Variants in IQSEC1 observed in about 807,000 individuals in gnomAD.
IQSEC1 encodes the protein IQ motif and SEC7 domain-containing protein 1.
IQSEC1 carries 31 observed loss-of-function variants against 91.0 expected under a neutral mutation model. That is an observed-to-expected ratio of 0.34 (90% CI 0.26 to 0.46). The LOEUF (loss-of-function observed/expected upper bound fraction) is 0.46, where lower values mean the gene tolerates loss of function less well. IQSEC1 is among the 20% of genes least tolerant of loss of function. IQSEC1 has a pLI of 1.00. For synonymous variants in IQSEC1, 699 were observed against 662.6 expected (o/e 1.05, Z -0.84); for missense variants, 1,388 against 1,575.6 (o/e 0.88, Z 2.02).
intron 1 of IQSEC1, among the ~76,000 whole-genome samples, chr3:13,241,089 A>G (rs1278394140): frequency 6.6e-6 from 1 of 152,108 alleles, no homozygotes; most frequent in Non-Finnish European, 1.5e-5. Flanking sequence ...GCACAGTCCA[A>G]TTTCACCTTG....
At chr3:13,128,053 G>A (rs984251061) in intron 2 of IQSEC1, among the ~76,000 whole-genome samples, 4 of 151,984 alleles carry the variant, frequency 2.6e-5, no homozygotes, top group African/African-American at 9.7e-5. Flanking sequence ...TTTTTTTCTG[G>A]TAATCATTAT....
chr3:13,266,083 A>C lies in IQSEC1; in HGVS notation c.272+16628T>G, dbSNP rs189034752. On this transcript the variant is annotated intron_variant, in intron 1 of 15. Coordinates refer to the IQSEC1 transcript ENST00000648114. ...GGTCCACTATGGAGCGAGTGCTCCC[A>C]CACCCCCGGCACTGGCTAGGCCTTG... Among the ~76,000 whole-genome samples, 58 of 151,918 alleles carry C rather than the reference A, an allele frequency of 3.8e-4. No homozygotes were observed. The East Asian group carries it at 0.01, about 27-fold the overall frequency.
intron 1 of IQSEC1, among the ~76,000 whole-genome samples, chr3:13,069,510 G>C (rs1229018011): frequency 6.6e-6 from 1 of 152,198 alleles, no homozygotes. Flanking sequence ...AGCAGGTCAG[G>C]GCATCCCACC....
intron 2 of IQSEC1, among the ~76,000 whole-genome samples, chr3:13,159,984 C>A (rs1429879136): frequency 6.6e-6 from 1 of 152,144 alleles, no homozygotes; most frequent in Non-Finnish European, 1.5e-5. Context: ...CCAGAGCCTT[C>A]CTCTTAGTGG....
chr3:13,117,383 G>A (rs1346326370), intron 2 of IQSEC1, among the ~76,000 whole-genome samples: 2 of 150,504 alleles, frequency 1.3e-5, no homozygotes, highest in East Asian at 1.9e-4. Flanking sequence ...TCAGGAGATC[G>A]AGATCATCCT....
intron 2 of IQSEC1, among the ~76,000 whole-genome samples, chr3:13,101,473 A>T (rs912533558): frequency 6.6e-6 from 1 of 151,010 alleles, no homozygotes; most frequent in African/African-American, 2.4e-5. Flanking sequence ...AGGAACAGAA[A>T]GGAAACAAGG....
chr3:13,207,089 G>A lies in IQSEC1; in HGVS notation c.273-42956C>T, dbSNP rs1309995716. ...TTCGTAGACCTGGGCAGGGCTGTTGGGAGTTGCTGGCCCTGACAATTTCTA... is the reference window on the plus strand; with the variant it reads ...TTCGTAGACCTGGGCAGGGCTGTTGAGAGTTGCTGGCCCTGACAATTTCTA... On this transcript the variant is annotated intron_variant, in intron 1 of 15. Coordinates refer to the IQSEC1 transcript ENST00000648114. This position sits in a 1 kb window ranked among gnomAD's most constrained non-coding sequence, Gnocchi z 4.8. Among the ~76,000 whole-genome samples the A allele has an allele frequency of 6.6e-6, 1 of 152,070 alleles. No homozygotes were observed. Among genetic ancestry groups the A allele is most frequent in the Non-Finnish European group, 1.5e-5 (1 of 68,014 alleles).
intron 2 of IQSEC1, among the ~76,000 whole-genome samples, chr3:13,079,204 G>A (rs535161107): frequency 8.5e-5 from 13 of 152,316 alleles, no homozygotes; most frequent in Admixed American, 7.2e-4. Flanking sequence ...CGGAGGGACC[G>A]GCAAGCATAG....
intron 2 of IQSEC1, among the ~76,000 whole-genome samples, chr3:13,141,016 C>T (rs1706791824): frequency 6.6e-6 from 1 of 152,200 alleles, no homozygotes; most frequent in African/African-American, 2.4e-5. Context: ...GGGAGGGCAC[C>T]ACGACGAAGG....
At chr3:12,955,848 G>A (rs1699868451) in intron 1 of IQSEC1, among the ~76,000 whole-genome samples, 1 of 152,162 alleles carries the variant, frequency 6.6e-6, no homozygotes, top group South Asian at 2.1e-4. Context: ...AGGAGACCTC[G>A]GACTGCACGG....
intron 1 of IQSEC1, among the ~76,000 whole-genome samples, chr3:13,025,043 T>G (rs1431439975): frequency 1.3e-5 from 2 of 152,208 alleles, no homozygotes; most frequent in African/African-American, 4.8e-5. Context: ...GTTCTTGAAG[T>G]GAGAGTTCAT....
At chr3:13,028,533 G>C (rs1295687939) in intron 1 of IQSEC1, among the ~76,000 whole-genome samples, 1 of 152,224 alleles carries the variant, frequency 6.6e-6, no homozygotes, top group African/African-American at 2.4e-5. Context: ...GACCCCAACC[G>C]GGGTCAGGGC....
rs2124959109 is a variant in IQSEC1 at position 12,899,699 on chromosome 3, T to C, written c.*1284A>G. On this transcript the variant is annotated 3_prime_UTR_variant, in exon 14 of 14. Coordinates refer to ENST00000613206, the MANE Select transcript of IQSEC1 (RefSeq NM_001134382.3). ...GAATTACGGTGATCACTGCTACCAC[T>C]CAGAAAACAAAACGGGAAACACACA... 1.0e-5 allele frequency: 10 copies of C among 985,348 alleles called. No homozygotes were observed. Among genetic ancestry groups the C allele is most frequent in the Non-Finnish European group, 1.2e-5 (10 of 829,918 alleles). The allele number at this position is 985,348 out of a possible 1,614,324, so 61.0% of individuals were successfully genotyped here. A position where few individuals can be genotyped will look rare whatever the true frequency, so the allele number is the denominator to read the frequency against.
At chr3:13,267,902 C>T (rs1695524631) in intron 1 of IQSEC1, among the ~76,000 whole-genome samples, 2 of 152,036 alleles carry the variant, frequency 1.3e-5, no homozygotes, top group Admixed American at 6.5e-5. Context: ...CAGGTGTGAA[C>T]CACCGCGCCT....
intron 1 of IQSEC1, among the ~76,000 whole-genome samples, chr3:13,192,829 C>A (rs1381128482): frequency 6.6e-6 from 1 of 152,248 alleles, no homozygotes; most frequent in East Asian, 1.9e-4. Context: ...CTTGCTGGGG[C>A]CCTGCTCAGT....
chr3:13,152,864 C>T (rs1024240299), intron 2 of IQSEC1, among the ~76,000 whole-genome samples: 7 of 152,022 alleles, frequency 4.6e-5, no homozygotes, highest in African/African-American at 1.4e-4. Context: ...AGCAAGACTC[C>T]GTCTCAAAAC....
chr3:13,229,031 T>C (rs1487150232), intron 1 of IQSEC1, among the ~76,000 whole-genome samples: 3 of 152,158 alleles, frequency 2.0e-5, no homozygotes, highest in African/African-American at 7.2e-5. Context: ...GCACACAGTA[T>C]AGATTATGGA....
intron 1 of IQSEC1, among the ~76,000 whole-genome samples, chr3:12,943,773 C>A (rs1371105717): frequency 1.3e-5 from 2 of 152,222 alleles, no homozygotes; most frequent in Non-Finnish European, 2.9e-5. Flanking sequence ...GGAGTGGGGG[C>A]CCCAGCAGGC....
In IQSEC1 at chr3:13,008,082, G is replaced by A. The variant is rs1317035336; in HGVS notation, c.23+64910C>T. On this transcript the variant is annotated intron_variant, in intron 1 of 13. Coordinates refer to ENST00000613206, the MANE Select transcript of IQSEC1 (RefSeq NM_001134382.3). The surrounding 1 kb of genome is among the most constrained non-coding windows in gnomAD (Gnocchi z 4.1). The stretch of plus-strand genomic sequence containing the variant: ...CCCCAGGAACCCCAGGGAGGGGCCA[G>A]GTGCCTGGCCTTCTGAGTGTCTGTA... Among the ~76,000 whole-genome samples the A allele has an allele frequency of 6.6e-6, 1 of 152,200 alleles. No individual in the cohort carries two copies. Among genetic ancestry groups the A allele is most frequent in the Non-Finnish European group, 1.5e-5 (1 of 68,032 alleles).
Sources: gnomAD v4.1 joint callset for allele counts (sites outside exome capture counted in the v4.1 genomes callset) on GRCh38, gnomAD v4.1.1 for gene constraint, Gnocchi (gnomAD v3.1) non-coding constraint, MANE v1.5 for transcripts, NCBI Gene and HGNC (gene_info 2026-07-23, HGNC 2026-07-21) for gene names.